COX7B2: variants seen among roughly 807,000 people sequenced by gnomAD.
The protein encoded by COX7B2 is cytochrome c oxidase subunit 7B2, mitochondrial.
For missense variants in COX7B2, 109 were observed against 95.9 expected, an observed-to-expected ratio of 1.14 and a Z score of -0.57; for synonymous variants, 37 against 32.1, an observed-to-expected ratio of 1.15 and a Z score of -0.51.
At chr4:46,874,565 T>A (rs1183907128) in intron 1 of COX7B2, among the ~76,000 whole-genome samples, 1 of 152,206 alleles carries the variant, frequency 6.6e-6, no homozygotes, top group Admixed American at 6.5e-5. Context: ...CTTGTGTGGT[T>A]TTTTTTGTTC....
rs1715707510 is a variant in COX7B2 at position 46,755,164 on chromosome 4, TA to T, written c.-49-19924del. Among the ~76,000 whole-genome samples, 3 of 151,948 alleles carry T rather than the reference TA, an allele frequency of 2.0e-5. No individual in the cohort carries two copies. In the South Asian group the frequency reaches 6.2e-4, roughly 31 times the overall value. ...ATATCAATAAATGCTGTACATCACA[TA>T]AACAGAATTAAGGACAAAAACCACA... On this transcript the variant is annotated intron_variant, in intron 2 of 2. Coordinates refer to ENST00000355591, the MANE Select transcript of COX7B2 (RefSeq NM_130902.3).
intron 2 of COX7B2, among the ~76,000 whole-genome samples, chr4:46,780,659 A>G (rs1234179718): frequency 2.0e-5 from 3 of 152,244 alleles, no homozygotes; most frequent in Non-Finnish European, 4.4e-5. Flanking sequence ...GATTACATAT[A>G]CTTGAAACAT....
chr4:46,855,228 G>A (rs772531252), intron 1 of COX7B2, among the ~76,000 whole-genome samples: 10 of 152,056 alleles, frequency 6.6e-5, no homozygotes, highest in Non-Finnish European at 1.3e-4. Flanking sequence ...TCAGGAGGCT[G>A]AAGCAGGAAA....
At chr4:46,779,224 A>C (rs1717314155) in intron 2 of COX7B2, among the ~76,000 whole-genome samples, 1 of 152,212 alleles carries the variant, frequency 6.6e-6, no homozygotes, top group Non-Finnish European at 1.5e-5. Flanking sequence ...TTTCCAAATC[A>C]CACATTGAGA....
At chr4:46,788,316 T>G (rs1325717945) in intron 2 of COX7B2, among the ~76,000 whole-genome samples, 1 of 152,152 alleles carries the variant, frequency 6.6e-6, no homozygotes, top group Non-Finnish European at 1.5e-5. Context: ...ACAATGTTAT[T>G]TCTCTGATAG....
chr4:46,754,724 G>GTATATATATATATATA (rs776374967), intron 2 of COX7B2, among the ~76,000 whole-genome samples: 37 of 46,812 alleles, frequency 7.9e-4, no homozygotes, highest in African/African-American at 2.5e-3. Context: ...GTGTGTGTGT[G>GTATATATATATATATA]TGTGTATATA....
At chr4:46,750,435 TAAG>T (rs1458946298) in intron 2 of COX7B2, among the ~76,000 whole-genome samples, 1 of 152,060 alleles carries the variant, frequency 6.6e-6, no homozygotes, top group Non-Finnish European at 1.5e-5. Context: ...TCTTTTATTA[TAAG>T]GACATGTATA....
At chr4:46,880,640 C>G (rs1208089034) in intron 1 of COX7B2, among the ~76,000 whole-genome samples, 1 of 151,398 alleles carries the variant, frequency 6.6e-6, no homozygotes, top group Non-Finnish European at 1.5e-5. Context: ...TGGTAACATT[C>G]TCTTCATCAT....
chr4:46,743,800 T>C (rs1213791121), intron 2 of COX7B2, among the ~76,000 whole-genome samples: 2 of 152,200 alleles, frequency 1.3e-5, no homozygotes, highest in Non-Finnish European at 2.9e-5. Flanking sequence ...GATTAGTGTT[T>C]TGCAGAACAC....
At chr4:46,857,229 T>C (rs1717057402) in intron 1 of COX7B2, among the ~76,000 whole-genome samples, 2 of 152,138 alleles carry the variant, frequency 1.3e-5, no homozygotes, top group African/African-American at 4.8e-5. Context: ...AAAGTTCCCA[T>C]GGTAAATGAA....
At chr4:46,782,675 A>G (rs1717543718) in intron 2 of COX7B2, among the ~76,000 whole-genome samples, 1 of 152,210 alleles carries the variant, frequency 6.6e-6, no homozygotes, top group Non-Finnish European at 1.5e-5. Flanking sequence ...TAAGAGCTGT[A>G]ACACTCACCA....
At chr4:46,888,128 C>A (rs1007467534) in intron 1 of COX7B2, among the ~76,000 whole-genome samples, 2 of 152,132 alleles carry the variant, frequency 1.3e-5, no homozygotes, top group Admixed American at 1.3e-4. Flanking sequence ...ATTAGGAGCT[C>A]AACAGGAGAA....
chr4:46,822,552 CA>C (rs1560403100), intron 2 of COX7B2, among the ~76,000 whole-genome samples: 1 of 151,946 alleles, frequency 6.6e-6, no homozygotes, highest in Admixed American at 6.6e-5. Flanking sequence ...GACACAGAAA[CA>C]GAAAAACTGG....
intron 2 of COX7B2, among the ~76,000 whole-genome samples, chr4:46,793,128 T>C (rs2109591886): frequency 6.6e-6 from 1 of 152,278 alleles, no homozygotes. Flanking sequence ...TAAGAGTATA[T>C]ATTTGTTTAA....
intron 2 of COX7B2, among the ~76,000 whole-genome samples, chr4:46,768,989 T>C (rs1716713979): frequency 6.6e-6 from 1 of 152,056 alleles, no homozygotes; most frequent in Non-Finnish European, 1.5e-5. Context: ...ATATACATGA[T>C]ATCAATACTG....
At chr4:46,781,857 G>T (rs1560376977) in intron 2 of COX7B2, among the ~76,000 whole-genome samples, 1 of 152,220 alleles carries the variant, frequency 6.6e-6, no homozygotes, top group East Asian at 1.9e-4. Context: ...GGGTCCCTCA[G>T]CATTACCTGC....
chr4:46,804,280 G>GT (rs2109637411), intron 2 of COX7B2, among the ~76,000 whole-genome samples: 1 of 152,296 alleles, frequency 6.6e-6, no homozygotes, highest in Non-Finnish European at 1.5e-5. Flanking sequence ...CGCAAAGAGC[G>GT]AAAGAACGAA....
chr4:46,771,442 A>G (rs1716872475), intron 2 of COX7B2, among the ~76,000 whole-genome samples: 1 of 152,140 alleles, frequency 6.6e-6, no homozygotes, highest in African/African-American at 2.4e-5. Context: ...CCACCACATG[A>G]TCCAACAATC....
intron 2 of COX7B2, among the ~76,000 whole-genome samples, chr4:46,757,602 C>A (rs191215128): frequency 9.8e-4 from 149 of 152,216 alleles, no homozygotes; most frequent in African/African-American, 3.4e-3. Flanking sequence ...TACACATATT[C>A]TCTCGAGCCA....
Sources: gnomAD v4.1 joint callset for allele counts (sites outside exome capture counted in the v4.1 genomes callset) on GRCh38, gnomAD v4.1.1 for gene constraint, MANE v1.5 for transcripts, NCBI Gene and HGNC (gene_info 2026-07-23, HGNC 2026-07-21) for gene names.